CLDN14: variants seen among roughly 807,000 people sequenced by gnomAD.
CLDN14 encodes claudin 14.
A neutral mutation model predicts 2.1 loss-of-function variants in CLDN14; 2 were observed. That is an observed-to-expected ratio of 0.96 (90% CI 0.39 to 3.01). The LOEUF (loss-of-function observed/expected upper bound fraction) is 3.01, where lower values mean the gene tolerates loss of function less well. Among genes scored for constraint, CLDN14 ranks in the 30% most tolerant of loss-of-function variants. The probability of loss-of-function intolerance (pLI) is 0.09; values close to 1 mark genes in which losing one functional copy is unlikely to be tolerated. For missense variants in CLDN14, 298 were observed against 328.0 expected, an observed-to-expected ratio of 0.91 and a Z score of 0.71; for synonymous variants, 136 against 154.4, an observed-to-expected ratio of 0.88 and a Z score of 0.88.
At chr21:36,465,418 TGC>T (rs2086633006) in intron 1 of CLDN14, among the ~76,000 whole-genome samples, 1 of 152,230 alleles carries the variant, frequency 6.6e-6, no homozygotes, top group African/African-American at 2.4e-5. Flanking sequence ...TATAAGGATT[TGC>T]TAATTTAAGA....
chr21:36,507,346 G>A (rs757408395), intron 2 of CLDN14, among the ~76,000 whole-genome samples: 25 of 152,258 alleles, frequency 1.6e-4, no homozygotes, highest in Non-Finnish European at 2.6e-4. Flanking sequence ...TGTGGCAGAG[G>A]ACCCAAGGCT....
At chr21:36,572,551 A>G (rs935278393) in intron 1 of CLDN14, among the ~76,000 whole-genome samples, 3 of 152,216 alleles carry the variant, frequency 2.0e-5, no homozygotes, top group Non-Finnish European at 4.4e-5. Context: ...AACCCATTAC[A>G]TGGTAATAAA....
rs563220312 is a variant in CLDN14 at position 36,496,190 on chromosome 21, C to G, written c.-82+14173G>C. 2.0e-5 allele frequency among the ~76,000 whole-genome samples: 3 copies of G among 152,156 alleles called. No individual in the cohort carries two copies. The East Asian group carries it at 5.8e-4, about 29-fold the overall frequency. ...TCCCAAAATGCCTGTAATTCCAGCA[C>G]TTTGGGAGGCTGAGGAAGGAGGATC... On this transcript the variant is annotated intron_variant, in intron 2 of 2. Transcript: ENST00000342108.
intron 1 of CLDN14, among the ~76,000 whole-genome samples, chr21:36,469,582 G>T (rs2086685199): frequency 6.6e-6 from 1 of 152,180 alleles, no homozygotes; most frequent in African/African-American, 2.4e-5. Context: ...TTTGGATGAA[G>T]AAATAAAAAT....
At chr21:36,475,824 G>A (rs1320132149) in intron 1 of CLDN14, among the ~76,000 whole-genome samples, 5 of 151,802 alleles carry the variant, frequency 3.3e-5, no homozygotes, top group African/African-American at 1.2e-4. Context: ...ACAGGTGCAC[G>A]CCACCACACC....
upstream of CLDN14, among the ~76,000 whole-genome samples, chr21:36,484,764 A>T (rs1408969069): frequency 4.0e-5 from 6 of 151,866 alleles, no homozygotes; most frequent in Non-Finnish European, 8.8e-5. Flanking sequence ...CCCAGGCTGG[A>T]GTGCAATGGC....
chr21:36,573,300 C>CAA (rs373406611), intron 1 of CLDN14, among the ~76,000 whole-genome samples: 61,234 of 108,502 alleles, frequency 0.56, 15,832 homozygotes, highest in Non-Finnish European at 0.63. Context: ...GACTCTGTCT[C>CAA]AAAAAAAAAA....
Position 36,461,322 on chromosome 21 carries a change from A to T in CLDN14, c.374T>A (p.Phe125Tyr). The T allele has an allele frequency of 6.2e-7, 1 of 1,613,496 alleles. No homozygotes were observed. Among genetic ancestry groups the T allele is most frequent in the Non-Finnish European group, 8.5e-7 (1 of 1,179,960 alleles). The change falls in exon 2 of 2, where the codon TTC becomes TAC. Residue 125 changes from phenylalanine (F) to tyrosine (Y), a missense_variant. Coordinates refer to ENST00000399135, the MANE Select transcript of CLDN14 (RefSeq NM_001146079.2). ...CATGCACAGGAGGCCGGCCAGGATG[A>T]AGAGGGTGCCGCCGAGGATGGCAAA... Reference protein sequence around the residue: ...TTFAILGGTLFILAGLLCMVA... With the variant: ...TTFAILGGTLYILAGLLCMVA...
intron 1 of CLDN14, among the ~76,000 whole-genome samples, chr21:36,516,685 C>T (rs575220880): frequency 1.3e-5 from 2 of 152,174 alleles, no homozygotes; most frequent in South Asian, 2.1e-4. Flanking sequence ...ACTGTATTTG[C>T]GCAATTCCCA....
chr21:36,523,853 C>T (rs2087299719), intron 1 of CLDN14, among the ~76,000 whole-genome samples: 1 of 151,068 alleles, frequency 6.6e-6, no homozygotes. Context: ...GTGGATTCGG[C>T]ACCATCCCTA....
At chr21:36,523,040 G>A (rs1479431080) in intron 1 of CLDN14, among the ~76,000 whole-genome samples, 1 of 152,106 alleles carries the variant, frequency 6.6e-6, no homozygotes, top group African/African-American at 2.4e-5. Context: ...ACTTGGCAGT[G>A]ACCACCCCTC....
intron 1 of CLDN14, among the ~76,000 whole-genome samples, chr21:36,569,478 G>A (rs1263321059): frequency 6.6e-6 from 1 of 151,844 alleles, no homozygotes; most frequent in Non-Finnish European, 1.5e-5. Flanking sequence ...CATTACAAAA[G>A]AGGCTTGACT....
chr21:36,559,948 C>A (rs2087622462), intron 1 of CLDN14, among the ~76,000 whole-genome samples: 1 of 152,044 alleles, frequency 6.6e-6, no homozygotes, highest in South Asian at 2.1e-4. Context: ...AATATCATAC[C>A]ATTATACCTC....
chr21:36,527,446 G>A (rs1045461776), intron 1 of CLDN14, among the ~76,000 whole-genome samples: 3 of 152,178 alleles, frequency 2.0e-5, no homozygotes, highest in Non-Finnish European at 4.4e-5. Context: ...AAGTTCCCTG[G>A]AGAAGCAAAA....
At chr21:36,483,109 G>T (rs889710703), upstream of CLDN14, among the ~76,000 whole-genome samples, 1 of 152,314 alleles carries the variant, frequency 6.6e-6, no homozygotes, top group Middle Eastern at 3.4e-3. Context: ...TCACTTCGTG[G>T]GCTCCTACCA....
In CLDN14 at chr21:36,461,731, C is replaced by A. The variant is rs1349768713; in HGVS notation, c.-36G>T. The A allele has an allele frequency of 1.3e-6, 2 of 1,543,078 alleles. No homozygotes were observed. Among genetic ancestry groups the A allele is most frequent in the Admixed American group, 3.9e-5 (2 of 50,932 alleles). ...CCTGCCTAGGCCAGCCGGGCAGCTC[C>A]CTGGGCCCTCGGGGTCACGCCGCTC... is the stretch of plus-strand genomic sequence containing the variant. On this transcript the variant is annotated 5_prime_UTR_variant, in exon 2 of 2. The change creates a premature stop within an existing upstream ORF in the 5' untranslated region. Coordinates refer to ENST00000399135, the MANE Select transcript of CLDN14 (RefSeq NM_001146079.2).
In CLDN14 at chr21:36,501,448, C is replaced by T. The variant is rs145453476; in HGVS notation, c.-82+8915G>A. 2.4e-4 allele frequency among the ~76,000 whole-genome samples: 33 copies of T among 139,186 alleles called. No homozygotes were observed. In the East Asian group the frequency reaches 6.3e-3, roughly 27 times the overall value. 91.3% of individuals were successfully genotyped at this position (139,186 alleles called of 152,430 possible). A position where few individuals can be genotyped will look rare whatever the true frequency, so the allele number is the denominator to read the frequency against. On this transcript the variant is annotated intron_variant, in intron 2 of 2. Transcript: ENST00000342108. ...AAATCTGACCTTTGGGACATGGAGA[C>T]GGTCATCTGACCCAGGGCGGGTCAC...
At chr21:36,569,813 GATACA>G (rs2146528883) in intron 1 of CLDN14, among the ~76,000 whole-genome samples, 1 of 152,338 alleles carries the variant, frequency 6.6e-6, no homozygotes, top group East Asian at 1.9e-4. Flanking sequence ...GCACTGATGT[GATACA>G]ATACAAAATG....
At chr21:36,503,859 T>C (rs2087109033) in intron 2 of CLDN14, among the ~76,000 whole-genome samples, 1 of 151,988 alleles carries the variant, frequency 6.6e-6, no homozygotes, top group East Asian at 1.9e-4. Flanking sequence ...AGCTTCCAGG[T>C]ATAAGTAGAT....
Sources: gnomAD v4.1 joint callset for allele counts (sites outside exome capture counted in the v4.1 genomes callset) on GRCh38, gnomAD v4.1.1 for gene constraint, MANE v1.5 for transcripts, NCBI Gene and HGNC (gene_info 2026-07-23, HGNC 2026-07-21) for gene names.